SDK1: variants seen among roughly 807,000 people sequenced by gnomAD.
SDK1 encodes the protein protein sidekick-1.
Under a neutral mutation model 245.5 loss-of-function variants are expected in SDK1, and 157 were observed. The observed-to-expected ratio is 0.64, with a 90% CI of 0.56 to 0.73. The LOEUF (loss-of-function observed/expected upper bound fraction) is 0.73. SDK1 is among the 30% of genes least tolerant of loss of function. The probability of loss-of-function intolerance (pLI) is 0.00; values close to 1 mark genes in which losing one functional copy is unlikely to be tolerated. For synonymous variants in SDK1, 1,647 were observed against 1,278.5 expected, an observed-to-expected ratio of 1.29 and a Z score of -6.15; for missense variants, 3,583 against 3,002.3, an observed-to-expected ratio of 1.19 and a Z score of -4.52.
intron 4 of SDK1, among the ~76,000 whole-genome samples, chr7:3,800,096 C>A (rs982043315): frequency 2.6e-4 from 40 of 152,124 alleles, no homozygotes; most frequent in African/African-American, 9.4e-4. Flanking sequence ...GTTTGGCTCT[C>A]AGTCTCCAAC....
At chr7:3,447,081 A>G (rs1418315845) in intron 1 of SDK1, among the ~76,000 whole-genome samples, 4 of 152,180 alleles carry the variant, frequency 2.6e-5, no homozygotes, top group African/African-American at 9.7e-5. Flanking sequence ...AAATCTTATT[A>G]AAATCTCTGA....
intron 22 of SDK1, among the ~76,000 whole-genome samples, chr7:4,106,800 G>C (rs1308047759): frequency 6.6e-6 from 1 of 152,002 alleles, no homozygotes; most frequent in African/African-American, 2.4e-5. Context: ...TCTTGGTCGT[G>C]GGGGTGGAAC....
At chr7:4,031,549 AGAAAAC>A (rs1269483243) in intron 17 of SDK1, among the ~76,000 whole-genome samples, 1 of 150,960 alleles carries the variant, frequency 6.6e-6, no homozygotes, top group East Asian at 1.9e-4. Flanking sequence ...CAAAAAAGAG[AGAAAAC>A]AGACCAAATA....
intron 1 of SDK1, among the ~76,000 whole-genome samples, chr7:3,465,585 G>C (rs188774341): frequency 5.1e-4 from 77 of 152,182 alleles, no homozygotes; most frequent in African/African-American, 1.8e-3. Flanking sequence ...GTTGGGTGAT[G>C]GGTGGGATCA....
At chr7:3,586,106 G>T (rs1260844443) in intron 1 of SDK1, among the ~76,000 whole-genome samples, 1 of 152,124 alleles carries the variant, frequency 6.6e-6, no homozygotes, top group African/African-American at 2.4e-5. Context: ...GCAGGGAGGT[G>T]TGTAGAGTCG....
intron 1 of SDK1, among the ~76,000 whole-genome samples, chr7:3,442,415 C>A (rs1184469980): frequency 2.0e-5 from 3 of 152,200 alleles, no homozygotes; most frequent in Non-Finnish European, 4.4e-5. Flanking sequence ...GTAACTGGGT[C>A]ATTGCAAATT....
At chr7:3,481,327 A>T (rs1412480493) in intron 1 of SDK1, among the ~76,000 whole-genome samples, 1 of 152,204 alleles carries the variant, frequency 6.6e-6, no homozygotes, top group Non-Finnish European at 1.5e-5. Flanking sequence ...TGTTCATCTG[A>T]CTGTAGTGAC....
intron 19 of SDK1, among the ~76,000 whole-genome samples, chr7:4,057,355 T>C (rs2128169373): frequency 6.6e-6 from 1 of 152,260 alleles, no homozygotes; most frequent in East Asian, 1.9e-4. Context: ...CCTGGGGACC[T>C]GAAGTCGGGC....
At chr7:3,984,417 C>T (rs1783658185) in intron 13 of SDK1, among the ~76,000 whole-genome samples, 1 of 152,158 alleles carries the variant, frequency 6.6e-6, no homozygotes, top group African/African-American at 2.4e-5. Flanking sequence ...GTGCAAGAGG[C>T]CGCATTTTCA....
intron 1 of SDK1, among the ~76,000 whole-genome samples, chr7:3,398,975 A>G (rs1778808875): frequency 6.6e-6 from 1 of 151,956 alleles, no homozygotes; most frequent in South Asian, 2.1e-4. Flanking sequence ...CAAGTTTTCC[A>G]CTATTTTTCA....
At chr7:4,172,670 C>A (rs574000984) in intron 32 of SDK1, among the ~76,000 whole-genome samples, 1 of 152,240 alleles carries the variant, frequency 6.6e-6, no homozygotes, top group East Asian at 1.9e-4. Flanking sequence ...CTCTGGGGGC[C>A]AAAAGTCCAA....
intron 1 of SDK1, among the ~76,000 whole-genome samples, chr7:3,497,183 C>T (rs1782050986): frequency 6.6e-6 from 1 of 152,096 alleles, no homozygotes; most frequent in Admixed American, 6.6e-5. Flanking sequence ...GAAGAATGCT[C>T]CAACAAGGCT....
At chr7:3,800,301 A>G (rs375136819) in intron 4 of SDK1, among the ~76,000 whole-genome samples, 22 of 152,242 alleles carry the variant, frequency 1.4e-4, no homozygotes, top group African/African-American at 5.3e-4. Flanking sequence ...TTCATTGGTG[A>G]GCATTTCTAC....
At chr7:4,217,197 C>T (rs1207297903) in intron 38 of SDK1, among the ~76,000 whole-genome samples, 4 of 139,784 alleles carry the variant, frequency 2.9e-5, no homozygotes, top group South Asian at 2.5e-4. Context: ...CCCTGCCACC[C>T]GGAGCACCAG....
At position 3,655,049 on chromosome 7, in the gene SDK1, C is replaced by CTTTTTTTTTTT. The variant is rs10663969; in HGVS notation, c.713+12947_713+12957dup. Among the ~76,000 whole-genome samples the CTTTTTTTTTTT allele has an allele frequency of 4.2e-5, 6 of 144,306 alleles. 2 individuals are homozygous for CTTTTTTTTTTT. The highest frequency in any genetic ancestry group is 3.0e-5 in the Non-Finnish European group (2 of 65,862). The allele number at this position is 144,306 out of a possible 152,430, so 94.7% of individuals were successfully genotyped here. On this transcript the variant is annotated intron_variant, in intron 4 of 44. Transcript: ENST00000404826. ...AATGTGTTAGTTGAATCATAGCTTG[C>CTTTTTTTTTTT]TTTTTTTTTTTTTGGCTCTTAAATC...
chr7:3,967,195 C>G (rs764593699), intron 9 of SDK1, 123 bp from the exon 10 acceptor site: 4 of 752,904 alleles, frequency 5.3e-6, no homozygotes, highest in Non-Finnish European at 9.3e-6. Flanking sequence ...AACAGTATTC[C>G]TTTTGTATTG....
chr7:3,489,261 C>T (rs1781797402), intron 1 of SDK1, among the ~76,000 whole-genome samples: 1 of 152,170 alleles, frequency 6.6e-6, no homozygotes, highest in African/African-American at 2.4e-5. Flanking sequence ...TTAGCCATAA[C>T]AATGTGCAAA....
Position 4,208,140 on chromosome 7 carries a change from A to G in SDK1, c.5256A>G (p.Lys1752=). Residue 1752 remains lysine, a synonymous_variant, in exon 37 of 45, where the codon AAA becomes AAG. Transcript: ENST00000404826. The part of the protein sequence containing the change: ...WEADSQNETE[K]MKVLFLPEPV... ...CAGACAGCCAGAACGAAACGGAGAA[A>G]ATGAAGGTCCTCTTCCTCCCCGAGC... The G allele has an allele frequency of 6.2e-7, 1 of 1,613,982 alleles. No individual in the cohort carries two copies. Among genetic ancestry groups the G allele is most frequent in the Non-Finnish European group, 8.5e-7 (1 of 1,179,948 alleles).
chr7:3,355,475 G>T (rs1321436877), intron 1 of SDK1, among the ~76,000 whole-genome samples: 1 of 152,154 alleles, frequency 6.6e-6, no homozygotes, highest in African/African-American at 2.4e-5. Flanking sequence ...CTGAGCCACT[G>T]GGCCTGGCTG....
Sources: allele counts gnomAD v4.1 joint callset (sites outside exome capture counted in the v4.1 genomes callset), GRCh38; gene constraint gnomAD v4.1.1; transcripts MANE v1.5; gene names NCBI Gene and HGNC (gene_info 2026-07-23, HGNC 2026-07-21).